The following ZFP2 variants were observed in gnomAD, a reference collection of about 807,000 sequenced individuals.
The protein encoded by ZFP2 is zinc finger protein ZFP2.
A neutral mutation model predicts 36.1 loss-of-function variants in ZFP2; 33 were observed. The observed-to-expected ratio is 0.92, with a 90% CI of 0.69 to 1.22. The LOEUF (loss-of-function observed/expected upper bound fraction) is 1.22. Ranked by LOEUF, ZFP2 falls within the 50% of genes most tolerant of loss-of-function variation. The pLI, the probability that ZFP2 is intolerant of heterozygous loss-of-function variation, is 0.00. For synonymous variants in ZFP2, 170 were observed against 178.0 expected (o/e 0.96, Z 0.36); for missense variants, 522 against 551.4 (o/e 0.95, Z 0.53).
At chr5:178,910,103 G>A (rs1561680047) in intron 1 of ZFP2, 1 of 1,470,462 alleles carries the variant, frequency 6.8e-7, no homozygotes, top group Non-Finnish European at 9.5e-7. Context: ...TCTCCTGTTT[G>A]GCTTCTGTTA....
At chr5:178,910,479 G>A (rs1259673105) in intron 1 of ZFP2, 1 of 668,320 alleles carries the variant, frequency 1.5e-6, no homozygotes, top group East Asian at 2.9e-5. Context: ...ATGCCACAGG[G>A]TGGTACTTGC....
chr5:178,904,368 A>G (rs1033552503), intron 1 of ZFP2, among the ~76,000 whole-genome samples: 1 of 152,116 alleles, frequency 6.6e-6, no homozygotes, highest in Non-Finnish European at 1.5e-5. Context: ...AGGACGCAGC[A>G]GGGGAACATG....
intron 1 of ZFP2, chr5:178,910,352 C>T: frequency 2.8e-6 from 3 of 1,087,242 alleles, no homozygotes. Flanking sequence ...CTTCCAACCC[C>T]TGCAAGGAAG....
chr5:178,914,745 G>A (rs1417060819), intron 3 of ZFP2, among the ~76,000 whole-genome samples: 1 of 152,152 alleles, frequency 6.6e-6, no homozygotes, highest in Non-Finnish European at 1.5e-5. Context: ...AAATAAAGCA[G>A]CATAAGAGAA....
At chr5:178,930,385 A>G (rs536886842) in intron 4 of ZFP2, among the ~76,000 whole-genome samples, 4 of 118,126 alleles carry the variant, frequency 3.4e-5, no homozygotes, top group Admixed American at 2.5e-4. Flanking sequence ...CAGTGGTACT[A>G]CCTCAGCTCA....
In ZFP2 at chr5:178,932,238, C is replaced by T; in HGVS notation, c.925C>T (p.Gln309Ter). 2 of 1,614,118 alleles carry T rather than the reference C, an allele frequency of 1.2e-6. No homozygotes were observed. The change falls in exon 5 of 5, where the codon CAA becomes TAA. Residue 309 changes from glutamine (Q) to a stop codon, truncating the protein, a stop_gained. Transcript: ENST00000361362. LOFTEE classifies it high-confidence loss of function. ...KCNKCGKSFS[Q>*]STYLIEHQRL... is the part of the protein sequence containing the mutation. Reference sequence around the variant, plus strand: ...TAACAAATGCGGGAAATCCTTTAGCCAAAGTACATATCTTATAGAACATCA... The same window carrying T: ...TAACAAATGCGGGAAATCCTTTAGCTAAAGTACATATCTTATAGAACATCA...
rs575933097 is a variant in ZFP2 at position 178,924,879 on chromosome 5, T to C, written c.-77-6358T>C. On this transcript the variant is annotated intron_variant, in intron 4 of 4. Transcript: ENST00000361362. The stretch of plus-strand genomic sequence containing the variant: ...AATAATAATAATAATAAGGCAGATA[T>C]CCAGTTACCAGAGCCCAGATCAAGA... Among the ~76,000 whole-genome samples the C allele has an allele frequency of 3.4e-5, 5 of 147,564 alleles. No homozygotes were observed. The East Asian group carries it at 7.8e-4, about 23-fold the overall frequency.
chr5:178,914,664 G>A (rs1437798623), intron 3 of ZFP2, among the ~76,000 whole-genome samples: 5 of 152,042 alleles, frequency 3.3e-5, no homozygotes, highest in African/African-American at 1.2e-4. Flanking sequence ...GGGAGGGGGG[G>A]ACAGAAGGGA....
At position 178,921,772 on chromosome 5, in the gene ZFP2, T is replaced by C. The variant is rs572933623; in HGVS notation, c.-78+5062T>C. 7.0e-4 allele frequency among the ~76,000 whole-genome samples: 104 copies of C among 149,356 alleles called. 2 individuals are homozygous for C. The highest frequency in any genetic ancestry group is 2.4e-3 in the African/African-American group (101 of 41,266). ...AAGCTCACCACTGGTTCAGTGGTAC[T>C]TTGGATTTTGGTTCTCTTCCCCAAT... On this transcript the variant is annotated intron_variant, in intron 4 of 4. Coordinates refer to ENST00000361362, the MANE Select transcript of ZFP2 (RefSeq NM_030613.4).
Position 178,931,827 on chromosome 5 carries a change from A to C in ZFP2, c.514A>C (p.Asn172His). ...ECGKAFSQSM[N>H]LTVHQRTHTG... Reference sequence around the variant, plus strand: ...TGGGAAAGCCTTTAGTCAGAGCATGAATCTTACTGTCCATCAACGAACTCA... The same window carrying C: ...TGGGAAAGCCTTTAGTCAGAGCATGCATCTTACTGTCCATCAACGAACTCA... Residue 172 changes from asparagine (N) to histidine (H), a missense_variant, in exon 5 of 5, where the codon AAT becomes CAT. Coordinates refer to ENST00000361362, the MANE Select transcript of ZFP2 (RefSeq NM_030613.4). 1 of 1,612,608 alleles carries C rather than the reference A, an allele frequency of 6.2e-7. No individual in the cohort carries two copies. The highest frequency in any genetic ancestry group is 8.5e-7 in the Non-Finnish European group (1 of 1,178,802).
chr5:178,914,351 A>G (rs1328001296), intron 3 of ZFP2, among the ~76,000 whole-genome samples: 1 of 152,132 alleles, frequency 6.6e-6, no homozygotes, highest in Non-Finnish European at 1.5e-5. Context: ...TGGGAGAGGA[A>G]TCACTGGGTC....
At position 178,931,787 on chromosome 5, in the gene ZFP2, TA is replaced by T; in HGVS notation, c.477del (p.Lys159AsnfsTer13). 3.1e-6 allele frequency: 5 copies of T among 1,614,046 alleles called. No homozygotes were observed. The highest frequency in any genetic ancestry group is 4.2e-6 in the Non-Finnish European group (5 of 1,179,966). On this transcript the variant is annotated frameshift_variant, in exon 5 of 5. Coordinates refer to ENST00000361362, the MANE Select transcript of ZFP2 (RefSeq NM_030613.4). LOFTEE classifies it high-confidence loss of function. ...GAATTCATACTGGAGAGAAACCCTA[TA>T]AATGTAATGAATGTGGGAAAGCCTT... ...QRIHTGEKPYKCNECGKAFSQ... is the reference protein window; with the variant it reads ...QRIHTGEKPYXCNECGKAFSQ...
chr5:178,909,369 T>C (rs966548261), intron 1 of ZFP2, among the ~76,000 whole-genome samples: 3 of 152,218 alleles, frequency 2.0e-5, no homozygotes, highest in African/African-American at 7.2e-5. Flanking sequence ...TGTAGATCAT[T>C]GCTTGATAAA....
intron 1 of ZFP2, among the ~76,000 whole-genome samples, chr5:178,902,140 G>T (rs976769870): frequency 5.9e-5 from 9 of 152,048 alleles, no homozygotes; most frequent in Non-Finnish European, 1.3e-4. Flanking sequence ...AACAAATGCT[G>T]CAAAAATAAA....
At chr5:178,919,842 T>G (rs1057466526) in intron 4 of ZFP2, among the ~76,000 whole-genome samples, 1 of 151,978 alleles carries the variant, frequency 6.6e-6, no homozygotes, top group Non-Finnish European at 1.5e-5. Flanking sequence ...ATGCCTGTAG[T>G]CCCAGCTACT....
chr5:178,922,377 T>A, intron 4 of ZFP2: 1 of 1,132,684 alleles, frequency 8.8e-7, no homozygotes. Context: ...GGAGCACCAC[T>A]AATAGAGTTG....
intron 1 of ZFP2, among the ~76,000 whole-genome samples, chr5:178,903,183 T>C (rs1456583537): frequency 3.3e-5 from 5 of 152,234 alleles, no homozygotes; most frequent in African/African-American, 1.2e-4. Flanking sequence ...CGAAGTACAG[T>C]AATAGACTTG....
chr5:178,920,870 A>T lies in ZFP2; in HGVS notation c.-78+4160A>T, dbSNP rs79733779. ...TAAGTTGAAATGTTCCTGGGTCTTT[A>T]TATTCTCAGTGACTTCAAAAGGTAT... is the stretch of plus-strand genomic sequence containing the variant. On this transcript the variant is annotated intron_variant, in intron 4 of 4. Coordinates refer to ENST00000361362, the MANE Select transcript of ZFP2 (RefSeq NM_030613.4). Among the ~76,000 whole-genome samples the T allele has an allele frequency of 9.1e-3, 1,380 of 152,278 alleles. 19 individuals carry two copies. Among genetic ancestry groups the T allele is most frequent in the African/African-American group, 0.032 (1,329 of 41,554 alleles).
chr5:178,912,006 A>G (rs1183294745), intron 1 of ZFP2, among the ~76,000 whole-genome samples: 1 of 152,020 alleles, frequency 6.6e-6, no homozygotes, highest in Non-Finnish European at 1.5e-5. Context: ...CGTGGTGGGC[A>G]CCTGTAATCC....
Sources: allele counts gnomAD v4.1 joint callset (sites outside exome capture counted in the v4.1 genomes callset), GRCh38; gene constraint gnomAD v4.1.1; transcripts MANE v1.5; gene names NCBI Gene and HGNC (gene_info 2026-07-23, HGNC 2026-07-21).